Variants in DMTF1 observed in about 807,000 individuals in gnomAD.
The protein encoded by DMTF1 is cyclin D binding myb like transcription factor 1, also known as cyclin-D-binding Myb-like transcription factor 1.
In DMTF1, 39 loss-of-function variants were observed where a neutral mutation model predicts 91.1. That is an observed-to-expected ratio of 0.43 (90% CI 0.33 to 0.56). DMTF1 has a LOEUF of 0.56. Among genes scored for constraint, DMTF1 ranks in the 20% least tolerant of loss-of-function variants. The pLI is 0.05. For missense variants in DMTF1, 750 were observed against 914.5 expected (o/e 0.82, Z 2.32); for synonymous variants, 338 against 309.5 (o/e 1.09, Z -0.97).
intron 7 of DMTF1, among the ~76,000 whole-genome samples, chr7:87,178,709 T>A (rs990613724): frequency 1.2e-4 from 18 of 152,020 alleles, no homozygotes; most frequent in African/African-American, 4.1e-4. Flanking sequence ...TCTGAAACTG[T>A]CCTTCTCTGG....
At chr7:87,183,098 T>A (rs897638552) in intron 10 of DMTF1, among the ~76,000 whole-genome samples, 17 of 152,080 alleles carry the variant, frequency 1.1e-4, no homozygotes, top group Admixed American at 6.6e-4. Context: ...AAAAAAAAAA[T>A]TTCTGAAGTT....
chr7:87,165,703 A>G (rs898324193), intron 3 of DMTF1, among the ~76,000 whole-genome samples: 1 of 152,190 alleles, frequency 6.6e-6, no homozygotes, highest in Non-Finnish European at 1.5e-5. Context: ...ATATGTCCCA[A>G]ACAATCCTTA....
At position 87,193,936 on chromosome 7, in the gene DMTF1, TGACTGTGGA is replaced by T; in HGVS notation, c.1864_1872del (p.Thr622_Glu624del). On this transcript the variant is annotated inframe_deletion, in exon 16 of 18. Coordinates refer to ENST00000331242, the MANE Select transcript of DMTF1 (RefSeq NM_001142327.2). ...CCAGATGAAATTCATCACCCTAAGA[TGACTGTGGA>T]GCCATCATTTAATGATGCTCATGTA... 1 of 1,613,372 alleles carries T rather than the reference TGACTGTGGA, an allele frequency of 6.2e-7. No individual in the cohort carries two copies. Among genetic ancestry groups the T allele is most frequent in the Non-Finnish European group, 8.5e-7 (1 of 1,179,626 alleles).
Position 87,182,613 on chromosome 7 carries a change from A to G in DMTF1, c.820+276A>G, listed in dbSNP as rs148213308. On this transcript the variant is annotated intron_variant, in intron 10 of 17. Transcript: ENST00000331242. ...ATGTTTCAGTTTTGTAACAATTTCA[A>G]TACTTCCCCAGTTGAGAAAGTATTT... Among the ~76,000 whole-genome samples the G allele has an allele frequency of 1.3e-4, 20 of 152,332 alleles. No individual in the cohort carries two copies. The East Asian group carries it at 1.5e-3, about 12-fold the overall frequency.
In DMTF1 at chr7:87,182,325, A is replaced by G; in HGVS notation, c.808A>G (p.Thr270Ala). ...AGATCGGTGCCGACTGATGAAGGATACTTGCAACACAGGTACTGTGACTAC... is the reference window on the plus strand; with the variant it reads ...AGATCGGTGCCGACTGATGAAGGATGCTTGCAACACAGGTACTGTGACTAC... ...VKDRCRLMKD[T>A]CNTGKWTEEE... Residue 270 changes from threonine to alanine, a missense_variant, in exon 10 of 18, where the codon ACT (threonine) becomes GCT (alanine). This residue lies in a region of DMTF1 where 190 missense variants were observed against 343.8 expected (regional missense o/e 0.55). Transcript: ENST00000331242. 6.2e-7 allele frequency: 1 copy of G among 1,614,052 alleles called. No homozygotes were observed. The highest frequency in any genetic ancestry group is 8.5e-7 in the Non-Finnish European group (1 of 1,179,960).
chr7:87,153,618 C>A (rs1160991300), intron 1 of DMTF1, among the ~76,000 whole-genome samples: 1 of 152,176 alleles, frequency 6.6e-6, no homozygotes, highest in Non-Finnish European at 1.5e-5. Flanking sequence ...ACTCATTCAT[C>A]TTTGTGTACC....
chr7:87,164,877 T>C, intron 2 of DMTF1, 57 bp from the exon 3 acceptor site: 1 of 981,328 alleles, frequency 1.0e-6, no homozygotes, highest in Non-Finnish European at 1.5e-6. Flanking sequence ...TATAAGGGAA[T>C]ACTTCATATT....
At chr7:87,194,355 A>C (rs1800669425) in intron 16 of DMTF1, 1 of 466,906 alleles carries the variant, frequency 2.1e-6, no homozygotes, top group Non-Finnish European at 3.8e-6. Flanking sequence ...ACATTGAGAA[A>C]TGTTTGTTAG....
chr7:87,194,872 TG>T (rs768216878), intron 17 of DMTF1, 44 bp downstream of exon 17: 2 of 1,563,886 alleles, frequency 1.3e-6, no homozygotes, highest in Non-Finnish European at 1.7e-6. Flanking sequence ...AAATTTTAGA[TG>T]GAAAAAAACA....
chr7:87,174,709 A>T (rs375925236), intron 7 of DMTF1, 40 bp downstream of exon 7: 2 of 1,393,492 alleles, frequency 1.4e-6, no homozygotes, highest in Non-Finnish European at 1.0e-6. Context: ...CAATTTGTTT[A>T]TTGCCAATTG....
At chr7:87,186,303 G>A (rs1454173418) in intron 12 of DMTF1, 6 of 271,456 alleles carry the variant, frequency 2.2e-5, no homozygotes, top group Admixed American at 9.7e-5. Flanking sequence ...TGTCCAGGCC[G>A]ACATGCAGTG....
At chr7:87,184,746 A>T in intron 11 of DMTF1, 121 bp downstream of exon 11, 2 of 828,954 alleles carry the variant, frequency 2.4e-6, no homozygotes. Flanking sequence ...TCCATAGAGC[A>T]CTACTGTTTA....
chr7:87,184,763 T>C (rs946424875), intron 11 of DMTF1, 138 bp downstream of exon 11: 11 of 785,996 alleles, frequency 1.4e-5, no homozygotes, highest in Non-Finnish European at 2.4e-5. Context: ...TTTAAGATCT[T>C]AAGTATTTCA....
At chr7:87,170,914 G>GT (rs553873662) in intron 4 of DMTF1, 81 bp from the exon 5 acceptor site, 181 of 903,922 alleles carry the variant, frequency 2.0e-4, no homozygotes, top group African/African-American at 9.1e-4. Flanking sequence ...AGATGATCAT[G>GT]TTTTTTTTCC....
At chr7:87,155,611 G>C (rs1225276533) in intron 1 of DMTF1, 2 of 152,104 alleles carry the variant, frequency 1.3e-5, no homozygotes, top group African/African-American at 2.4e-5. Context: ...CGTTTATCTT[G>C]ATGGTGCTTT....
chr7:87,183,809 AAC>A (rs1797865727), intron 10 of DMTF1, among the ~76,000 whole-genome samples: 1 of 152,214 alleles, frequency 6.6e-6, no homozygotes, highest in East Asian at 1.9e-4. Flanking sequence ...GGGTTGAGAA[AAC>A]ACAGGAATAA....
intron 3 of DMTF1, among the ~76,000 whole-genome samples, chr7:87,165,604 G>A (rs1262423699): frequency 6.6e-6 from 1 of 152,118 alleles, no homozygotes; most frequent in Non-Finnish European, 1.5e-5. Flanking sequence ...TTCAAAGTTA[G>A]GATTTTAAGT....
At chr7:87,189,818 C>G (rs935311368) in intron 13 of DMTF1, among the ~76,000 whole-genome samples, 2 of 152,000 alleles carry the variant, frequency 1.3e-5, no homozygotes, top group African/African-American at 4.8e-5. Context: ...CCATATTGGC[C>G]TTAAGCTACA....
At chr7:87,159,041 TC>T (rs1315730856) in intron 1 of DMTF1, among the ~76,000 whole-genome samples, 1 of 152,146 alleles carries the variant, frequency 6.6e-6, no homozygotes, top group Non-Finnish European at 1.5e-5. Context: ...AGATACATAA[TC>T]TAAATAAAAA....
Sources: gnomAD v4.1 joint callset for allele counts (sites outside exome capture counted in the v4.1 genomes callset) on GRCh38, gnomAD v4.1.1 for gene constraint, gnomAD v4.1.1 regional missense constraint, MANE v1.5 for transcripts, NCBI Gene and HGNC (gene_info 2026-07-23, HGNC 2026-07-21) for gene names.